VRK1: variants seen among roughly 807,000 people sequenced by gnomAD.
The protein encoded by VRK1 is VRK serine/threonine kinase 1, also known as serine/threonine-protein kinase VRK1.
A neutral mutation model predicts 57.1 loss-of-function variants in VRK1; 33 were observed. The ratio of observed to expected loss-of-function variants is 0.58; its 90% CI spans 0.44 to 0.77. VRK1 has a LOEUF of 0.77. Among genes scored for constraint, VRK1 ranks in the 30% least tolerant of loss-of-function variants. The probability of loss-of-function intolerance (pLI) is 0.00; values close to 1 mark genes in which losing one functional copy is unlikely to be tolerated. For synonymous variants in VRK1, 137 were observed against 147.8 expected (o/e 0.93, Z 0.53); for missense variants, 413 against 477.3 (o/e 0.87, Z 1.25).
chr14:96,860,954 T>C lies in VRK1; in HGVS notation c.1068+219T>C, dbSNP rs1278020874. 1.8e-5 allele frequency: 7 copies of C among 388,372 alleles called. No individual in the cohort carries two copies. In the Admixed American group the frequency reaches 2.8e-4, roughly 16 times the overall value. 24.1% of individuals were successfully genotyped at this position (388,372 alleles called of 1,614,324 possible). The stretch of plus-strand genomic sequence containing the variant: ...GTAGCAAGTTACTAAATTCCTGAAC[T>C]GATTTTAACTTGGAATACTGATATC... On this transcript the variant is annotated intron_variant, in intron 11 of 12. Transcript: ENST00000216639.
chr14:96,874,688 A>C (rs1453683014), intron 11 of VRK1, among the ~76,000 whole-genome samples: 1 of 152,272 alleles, frequency 6.6e-6, no homozygotes, highest in East Asian at 1.9e-4. Flanking sequence ...CTGAGTTCTA[A>C]TTTTCCACAG....
intron 11 of VRK1, among the ~76,000 whole-genome samples, chr14:96,869,880 A>G (rs17094562): frequency 0.014 from 2,114 of 152,184 alleles, 54 homozygotes; most frequent in African/African-American, 0.048. Context: ...ATGTAGCCCA[A>G]TTTGTTCTGT....
At chr14:96,845,513 T>A (rs953158815) in intron 3 of VRK1, among the ~76,000 whole-genome samples, 1 of 152,184 alleles carries the variant, frequency 6.6e-6, no homozygotes, top group Non-Finnish European at 1.5e-5. Flanking sequence ...GCCCCATGTT[T>A]GGTTTGACAA....
At chr14:96,844,702 C>T (rs1170768972) in intron 3 of VRK1, among the ~76,000 whole-genome samples, 1 of 152,006 alleles carries the variant, frequency 6.6e-6, no homozygotes, top group East Asian at 1.9e-4. Context: ...CCACCATGCC[C>T]AGATAATTTT....
At chr14:96,876,280 G>A (rs573088003) in intron 12 of VRK1, among the ~76,000 whole-genome samples, 160 bp downstream of exon 12, 2 of 152,228 alleles carry the variant, frequency 1.3e-5, no homozygotes, top group East Asian at 3.9e-4. Flanking sequence ...TTGTACACAG[G>A]TTAGATTATT....
At chr14:96,847,187 T>G in intron 4 of VRK1, 70 bp from the exon 5 acceptor site, 1 of 1,301,276 alleles carries the variant, frequency 7.7e-7, no homozygotes, top group Non-Finnish European at 1.1e-6. Flanking sequence ...ATTTTGCTCT[T>G]AATGATTTTT....
intron 11 of VRK1, among the ~76,000 whole-genome samples, chr14:96,871,099 T>C (rs570175574): frequency 1.1e-4 from 17 of 152,192 alleles, no homozygotes; most frequent in African/African-American, 9.7e-5. Flanking sequence ...TTACCTGTAA[T>C]TTTTGGTGTG....
chr14:96,806,731 C>G (rs1054786631), intron 1 of VRK1, among the ~76,000 whole-genome samples: 1 of 152,148 alleles, frequency 6.6e-6, no homozygotes, highest in Non-Finnish European at 1.5e-5. Context: ...ATCATTTTCA[C>G]TTTGATATAC....
intron 1 of VRK1, among the ~76,000 whole-genome samples, chr14:96,833,251 A>C (rs1279538538): frequency 6.6e-6 from 1 of 152,180 alleles, no homozygotes; most frequent in Admixed American, 6.5e-5. Flanking sequence ...TTCCTTGAAA[A>C]TAGTTGCATA....
intron 7 of VRK1, 113 bp downstream of exon 7, chr14:96,853,279 T>A (rs962096852): frequency 3.9e-5 from 33 of 855,696 alleles, no homozygotes; most frequent in Non-Finnish European, 5.9e-5. Flanking sequence ...GTAGATATGG[T>A]AATAATATTT....
intron 1 of VRK1, among the ~76,000 whole-genome samples, chr14:96,799,998 A>G (rs1047483447): frequency 7.3e-5 from 11 of 151,458 alleles, no homozygotes; most frequent in Non-Finnish European, 1.0e-4. Context: ...GAATAATCCA[A>G]TAAATGTGTA....
chr14:96,823,596 A>C (rs1222491198), intron 1 of VRK1, among the ~76,000 whole-genome samples: 4 of 152,230 alleles, frequency 2.6e-5, no homozygotes, highest in African/African-American at 9.6e-5. Flanking sequence ...TATCTGCTGC[A>C]TCTAGAAACT....
At chr14:96,830,349 TTTC>T (rs1334746671) in intron 1 of VRK1, among the ~76,000 whole-genome samples, 5 of 152,142 alleles carry the variant, frequency 3.3e-5, no homozygotes, top group African/African-American at 1.2e-4. Context: ...TTGTGTATGT[TTTC>T]TTAAACATTT....
At chr14:96,829,110 A>G (rs1357935700) in intron 1 of VRK1, among the ~76,000 whole-genome samples, 1 of 152,250 alleles carries the variant, frequency 6.6e-6, no homozygotes, top group Non-Finnish European at 1.5e-5. Flanking sequence ...CTGGAAATAA[A>G]AAGCAAGACT....
At chr14:96,852,960 T>C in intron 6 of VRK1, 21 bp downstream of exon 6, 2 of 1,612,236 alleles carry the variant, frequency 1.2e-6, no homozygotes, top group Non-Finnish European at 1.7e-6. Context: ...TATGTTCTTC[T>C]TGTTTTTAAA....
At position 96,853,511 on chromosome 14, in the gene VRK1, A is replaced by G. The variant is rs1291455803; in HGVS notation, c.576+345A>G. On this transcript the variant is annotated intron_variant, in intron 7 of 12. Transcript: ENST00000216639. ...GTCACTTTTTTTATTCCTTTGTTCA[A>G]GAAATCCATCAAATGTAAGTGTTCT... Among the ~76,000 whole-genome samples the G allele has an allele frequency of 6.6e-5, 10 of 152,252 alleles. No individual in the cohort carries two copies. The East Asian group carries it at 1.5e-3, about 23-fold the overall frequency.
chr14:96,856,116 T>C lies in VRK1; in HGVS notation c.710-14T>C, dbSNP rs1275418589. On this transcript the variant is annotated splice_polypyrimidine_tract_variant and intron_variant, in intron 8 of 12. Coordinates refer to ENST00000216639, the MANE Select transcript of VRK1 (RefSeq NM_003384.3). ...TATTTCAGTCTACCTAATGTTCTTC[T>C]CTTGCATTTGTAGCCCCATCAAGAC... 6 of 1,613,346 alleles carry C rather than the reference T, an allele frequency of 3.7e-6. No individual in the cohort carries two copies. The Admixed American group carries it at 6.7e-5, about 18-fold the overall frequency.
At chr14:96,803,560 C>G (rs1885752418) in intron 1 of VRK1, among the ~76,000 whole-genome samples, 1 of 152,130 alleles carries the variant, frequency 6.6e-6, no homozygotes, top group African/African-American at 2.4e-5. Flanking sequence ...ATAAGTATGT[C>G]TATCTAATGT....
At chr14:96,838,672 C>T (rs1338701896) in intron 3 of VRK1, among the ~76,000 whole-genome samples, 1 of 152,166 alleles carries the variant, frequency 6.6e-6, no homozygotes, top group Non-Finnish European at 1.5e-5. Context: ...CTCCCACCAG[C>T]TCCCGCCCAC....
Sources: gnomAD v4.1 joint callset for allele counts (sites outside exome capture counted in the v4.1 genomes callset) on GRCh38, gnomAD v4.1.1 for gene constraint, MANE v1.5 for transcripts, NCBI Gene and HGNC (gene_info 2026-07-23, HGNC 2026-07-21) for gene names.